The following FRMD3 variants were observed in gnomAD, a reference collection of about 807,000 sequenced individuals.
The protein encoded by FRMD3 is FERM domain containing 3.
In FRMD3, 33 loss-of-function variants were observed where a neutral mutation model predicts 70.2. That is an observed-to-expected ratio of 0.47 (90% CI 0.36 to 0.63). The LOEUF (loss-of-function observed/expected upper bound fraction) is 0.63. FRMD3 is among the 20% of genes least tolerant of loss of function. The pLI is 0.00. For synonymous variants in FRMD3, 279 were observed against 255.9 expected (o/e 1.09, Z -0.86); for missense variants, 632 against 711.4 (o/e 0.89, Z 1.27).
At chr9:83,549,046 C>T in the FRMD3 span, among the ~76,000 whole-genome samples, 2 of 151,938 alleles carry the variant, frequency 1.3e-5, no homozygotes, top group African/African-American at 4.8e-5. Flanking sequence ...ATTACTAGAT[C>T]GCCCAAGTAC....
At chr9:83,272,638 T>C (rs1401147888) in intron 13 of FRMD3, among the ~76,000 whole-genome samples, 7 of 80,412 alleles carry the variant, frequency 8.7e-5, no homozygotes, top group African/African-American at 1.4e-4. Context: ...TCTGCCCGGC[T>C]GCCCAGTCTG....
intron 1 of FRMD3, among the ~76,000 whole-genome samples, chr9:83,484,523 T>C (rs1318154604): frequency 6.6e-6 from 1 of 152,178 alleles, no homozygotes; most frequent in Non-Finnish European, 1.5e-5. Flanking sequence ...GTTCAAGCCA[T>C]TCTCGTGCCT....
At chr9:83,420,569 A>G (rs1401252332) in intron 1 of FRMD3, among the ~76,000 whole-genome samples, 1 of 152,194 alleles carries the variant, frequency 6.6e-6, no homozygotes, top group Non-Finnish European at 1.5e-5. Context: ...AATGGTTGGC[A>G]GAGAGTGATG....
rs1210326180 is a variant in FRMD3 at position 83,246,451 on chromosome 9, A to G, written c.*1467T>C. ...ATTTAATGGTATCAAGGAAGGTACT[A>G]GAGCACTGGTCCCCTCTACAGTCTG... is the stretch of plus-strand genomic sequence containing the variant. On this transcript the variant is annotated 3_prime_UTR_variant, in exon 14 of 14. Coordinates refer to ENST00000304195, the MANE Select transcript of FRMD3 (RefSeq NM_174938.6). The G allele has an allele frequency of 5.1e-6, 5 of 984,492 alleles. No individual in the cohort carries two copies. The highest frequency in any genetic ancestry group is 6.0e-6 in the Non-Finnish European group (5 of 829,318). The allele number at this position is 984,492 out of a possible 1,614,324, so 61.0% of individuals were successfully genotyped here. A position where few individuals can be genotyped will look rare whatever the true frequency, so the allele number is the denominator to read the frequency against.
At chr9:83,549,261 A>G in the FRMD3 span, among the ~76,000 whole-genome samples, 46,236 of 152,046 alleles carry the variant, frequency 0.3, 7,893 homozygotes, top group Middle Eastern at 0.45. Flanking sequence ...AACTCCATCC[A>G]TATTCTTGTA....
chr9:83,273,050 T>TG (rs35642374), intron 13 of FRMD3, among the ~76,000 whole-genome samples: 28 of 144,058 alleles, frequency 1.9e-4, no homozygotes, highest in South Asian at 1.1e-3. Context: ...GTCCGGGAGG[T>TG]GGGGGGGGGC....
chr9:83,342,179 A>G (rs1178562500), intron 5 of FRMD3, among the ~76,000 whole-genome samples: 1 of 151,926 alleles, frequency 6.6e-6, no homozygotes, highest in Non-Finnish European at 1.5e-5. Flanking sequence ...GGCCCAGGGG[A>G]ACAGAACACC....
At chr9:83,567,909 T>C in the FRMD3 span, among the ~76,000 whole-genome samples, 1 of 152,220 alleles carries the variant, frequency 6.6e-6, no homozygotes, top group Non-Finnish European at 1.5e-5. Flanking sequence ...TTTCAGCCTC[T>C]GCCTGTTACC....
chr9:83,584,841 G>T, the FRMD3 span, among the ~76,000 whole-genome samples: 53 of 152,210 alleles, frequency 3.5e-4, no homozygotes, highest in Middle Eastern at 3.4e-3. Context: ...GAAATGGATC[G>T]ATAATAGGAC....
chr9:83,321,577 A>C (rs948561970), intron 6 of FRMD3, among the ~76,000 whole-genome samples: 3 of 152,194 alleles, frequency 2.0e-5, no homozygotes, highest in Admixed American at 2.0e-4. Context: ...AAATTTGTTA[A>C]GACATTTTCT....
chr9:83,331,607 C>A (rs886802330), intron 6 of FRMD3, among the ~76,000 whole-genome samples: 4 of 152,082 alleles, frequency 2.6e-5, no homozygotes, highest in African/African-American at 9.7e-5. Context: ...TATAATGTAT[C>A]AATGTAGGCT....
chr9:83,253,488 A>T (rs1053993904), intron 13 of FRMD3, among the ~76,000 whole-genome samples: 2 of 152,176 alleles, frequency 1.3e-5, no homozygotes, highest in Admixed American at 6.5e-5. Flanking sequence ...AGAAGACATT[A>T]ATGCAGCCAA....
chr9:83,542,818 T>C (rs1293820808), upstream of FRMD3, among the ~76,000 whole-genome samples: 1 of 152,196 alleles, frequency 6.6e-6, no homozygotes, highest in Non-Finnish European at 1.5e-5. Flanking sequence ...TCAATTGATA[T>C]TTGACAAAGA....
At chr9:83,549,729 G>T in the FRMD3 span, among the ~76,000 whole-genome samples, 2 of 152,006 alleles carry the variant, frequency 1.3e-5, no homozygotes, top group Non-Finnish European at 2.9e-5. Context: ...TCATATGCTT[G>T]TTGGCCACAT....
chr9:83,439,335 A>T (rs1587853576), intron 1 of FRMD3, among the ~76,000 whole-genome samples: 1 of 152,250 alleles, frequency 6.6e-6, no homozygotes, highest in African/African-American at 2.4e-5. Flanking sequence ...GAAGCTCCCT[A>T]TAATGACTGA....
intron 3 of FRMD3, among the ~76,000 whole-genome samples, chr9:83,352,911 G>A (rs569778604): frequency 6.6e-6 from 1 of 152,286 alleles, no homozygotes; most frequent in East Asian, 1.9e-4. Context: ...AAGCCACTAT[G>A]TTCCTGACAT....
intron 1 of FRMD3, among the ~76,000 whole-genome samples, chr9:83,501,459 G>A (rs933062941): frequency 1.3e-5 from 2 of 152,098 alleles, no homozygotes; most frequent in Non-Finnish European, 1.5e-5. Flanking sequence ...TTATAAACAC[G>A]GAGTGTTCTT....
chr9:83,434,071 T>C (rs1827060046), intron 1 of FRMD3, among the ~76,000 whole-genome samples: 5 of 152,214 alleles, frequency 3.3e-5, no homozygotes, highest in Middle Eastern at 3.2e-3. Context: ...CTGAAAGACA[T>C]CTGCAGGGAG....
chr9:83,316,275 C>T (rs1295857212), intron 6 of FRMD3, among the ~76,000 whole-genome samples: 7 of 150,826 alleles, frequency 4.6e-5, no homozygotes, highest in African/African-American at 1.5e-4. Context: ...TCTCCTGCCT[C>T]AACCTCCGGA....
Sources: allele counts gnomAD v4.1 joint callset (sites outside exome capture counted in the v4.1 genomes callset), GRCh38; gene constraint gnomAD v4.1.1; transcripts MANE v1.5; gene names NCBI Gene and HGNC (gene_info 2026-07-23, HGNC 2026-07-21).